DPF3: variants seen among roughly 807,000 people sequenced by gnomAD.
DPF3 encodes the protein double PHD fingers 3.
Under a neutral mutation model 56.8 loss-of-function variants are expected in DPF3, and 18 were observed. The ratio of observed to expected loss-of-function variants is 0.32; its 90% CI spans 0.22 to 0.47. The LOEUF is 0.47. DPF3 is among the 20% of genes least tolerant of loss of function. The pLI, the probability that DPF3 is intolerant of heterozygous loss-of-function variation, is 1.00. For missense variants in DPF3, 403 were observed against 488.8 expected (o/e 0.82, Z 1.65); for synonymous variants, 188 against 180.2 (o/e 1.04, Z -0.35).
chr14:72,870,445 GCTGTGTTTCTACAT>G (rs1885852133), intron 1 of DPF3, among the ~76,000 whole-genome samples: 1 of 152,214 alleles, frequency 6.6e-6, no homozygotes. Context: ...ACCTCTGTGT[GCTGTGTTTCTACAT>G]CTGTGAACTT....
At chr14:72,829,175 C>T (rs1883944804) in intron 1 of DPF3, among the ~76,000 whole-genome samples, 1 of 152,194 alleles carries the variant, frequency 6.6e-6, no homozygotes, top group South Asian at 2.1e-4. Flanking sequence ...TTGTTTTCCA[C>T]TTTATACATG....
chr14:72,669,920 C>T, intron 8 of DPF3: 4 of 985,866 alleles, frequency 4.1e-6, no homozygotes, highest in Non-Finnish European at 4.8e-6. Context: ...ATGGTTTTGC[C>T]CACATTGCAA....
intron 1 of DPF3, among the ~76,000 whole-genome samples, chr14:72,876,383 G>A (rs1279471727): frequency 1.3e-5 from 2 of 152,154 alleles, no homozygotes; most frequent in Non-Finnish European, 2.9e-5. Flanking sequence ...CTTGCTGGAG[G>A]ACACAGGATG....
At chr14:72,829,902 C>G (rs924638770) in intron 1 of DPF3, among the ~76,000 whole-genome samples, 2 of 152,082 alleles carry the variant, frequency 1.3e-5, no homozygotes, top group African/African-American at 4.8e-5. Context: ...GCTACCACAC[C>G]CAGCTAACTT....
rs900309543 is a variant in DPF3 at position 72,609,629 on chromosome 14, C to A, written c.*9668G>T. ...CCTGACACACGTGGGAAGGGCACAT[C>A]CCCAGAGGACAGAGGACAAGGGTGG... On this transcript the variant is annotated 3_prime_UTR_variant, in exon 11 of 11. Transcript: ENST00000556509. 6.6e-6 allele frequency among the ~76,000 whole-genome samples: 1 copy of A among 152,150 alleles called. No individual in the cohort carries two copies. Among genetic ancestry groups the A allele is most frequent in the African/African-American group, 2.4e-5 (1 of 41,412 alleles).
chr14:72,737,102 T>C (rs1224757313), intron 3 of DPF3, among the ~76,000 whole-genome samples: 2 of 141,504 alleles, frequency 1.4e-5, no homozygotes, highest in East Asian at 4.1e-4. Flanking sequence ...AGCAAATCGG[T>C]TTCTAAATAA....
intron 1 of DPF3, chr14:72,892,284 G>T (rs1019761511): frequency 1.3e-6 from 2 of 1,535,486 alleles, no homozygotes; most frequent in Non-Finnish European, 1.7e-6. Flanking sequence ...GTGTTGCAGC[G>T]AAAGCAACCG....
chr14:72,683,604 G>T (rs534661062), intron 7 of DPF3, among the ~76,000 whole-genome samples: 38 of 152,294 alleles, frequency 2.5e-4, no homozygotes, highest in African/African-American at 9.1e-4. Context: ...CTCAGCTAAG[G>T]TCACACGTTA....
chr14:72,656,998 T>C lies in DPF3; in HGVS notation c.871+17242A>G, dbSNP rs539682039. Among the ~76,000 whole-genome samples, 6 of 152,356 alleles carry C rather than the reference T, an allele frequency of 3.9e-5. No homozygotes were observed. In the South Asian group the frequency reaches 1.0e-3, roughly 26 times the overall value. On this transcript the variant is annotated intron_variant, in intron 8 of 10. Transcript: ENST00000556509. ...AGTAGTAGGTCTGGCATCAGTAATC[T>C]TCTCCACCATCCAAGGAAGAACATG...
intron 1 of DPF3, among the ~76,000 whole-genome samples, chr14:72,811,969 T>C (rs772045241): frequency 6.6e-6 from 1 of 152,102 alleles, no homozygotes; most frequent in Admixed American, 6.5e-5. Flanking sequence ...GTGGCTGTTT[T>C]CTTTCAGCCT....
At position 72,618,734 on chromosome 14, in the gene DPF3, CTT is replaced by C. The variant is rs989935576; in HGVS notation, c.*561_*562del. On this transcript the variant is annotated 3_prime_UTR_variant, in exon 11 of 11. Coordinates refer to ENST00000556509, the MANE Select transcript of DPF3 (RefSeq NM_001280542.3). The stretch of plus-strand genomic sequence containing the variant: ...ACTGCTGGGGTTCTAGAAGGCAACT[CTT>C]TGTCTCCACAGACACCAAGGAACAA... Among the ~76,000 whole-genome samples, 16 of 151,410 alleles carry C rather than the reference CTT, an allele frequency of 1.1e-4. No homozygotes were observed. Among genetic ancestry groups the C allele is most frequent in the African/African-American group, 2.7e-4 (11 of 41,304 alleles).
chr14:72,755,298 G>C (rs574681099), intron 2 of DPF3, among the ~76,000 whole-genome samples: 3 of 152,220 alleles, frequency 2.0e-5, no homozygotes, highest in Non-Finnish European at 4.4e-5. Flanking sequence ...CACTGTGCTT[G>C]GTGGTCAGCG....
rs142838342 is a variant in DPF3 at position 72,773,806 on chromosome 14, TTTTTAAGTCAGAATAATA to T, written c.33-1931_33-1914del. 8.1e-3 allele frequency: 3,678 copies of T among 455,072 alleles called. 105 individuals are homozygous for T. The highest frequency in any genetic ancestry group is 0.062 in the African/African-American group (3,119 of 50,104). The allele number at this position is 455,072 out of a possible 1,614,324, so 28.2% of individuals were successfully genotyped here. A position where few individuals can be genotyped will look rare whatever the true frequency, so the allele number is the denominator to read the frequency against. On this transcript the variant is annotated intron_variant, in intron 1 of 10. Transcript: ENST00000556509. The stretch of plus-strand genomic sequence containing the variant: ...ATAGCATATGTCAGAATTTCCTTCC[TTTTTAAGTCAGAATAATA>T]TTTTAAGTCAGAATAATATTTTTTA...
intron 2 of DPF3, among the ~76,000 whole-genome samples, chr14:72,757,738 G>C (rs28495114): frequency 0.31 from 47,532 of 151,964 alleles, 8,192 homozygotes; most frequent in Middle Eastern, 0.4. Flanking sequence ...AATGTGTGTA[G>C]GTTATATGCA....
At chr14:72,861,799 GAA>G (rs144550891) in intron 1 of DPF3, among the ~76,000 whole-genome samples, 54 of 146,754 alleles carry the variant, frequency 3.7e-4, no homozygotes, top group African/African-American at 1.4e-3. Context: ...AAGAAAGAAA[GAA>G]AGAAGGAAAG....
chr14:72,771,845 G>T lies in DPF3; in HGVS notation c.81C>A (p.Tyr27Ter). ...TGCGCTCTGCACACAGCCGTGAGTT[G>T]TAACTCCGGCAGTGCTCAATGGCTT... is the stretch of plus-strand genomic sequence containing the variant. ...YKEAIEHCRS[Y>*]NSRLCAERSV... Residue 27 changes from tyrosine to a stop codon, truncating the protein, a stop_gained, in exon 2 of 11, where the codon TAC becomes TAA. Transcript: ENST00000556509. LOFTEE classifies it high-confidence loss of function. 1.2e-6 allele frequency: 2 copies of T among 1,612,362 alleles called. No individual in the cohort carries two copies. Among genetic ancestry groups the T allele is most frequent in the Non-Finnish European group, 1.7e-6 (2 of 1,179,070 alleles).
At chr14:72,759,211 G>C (rs1438474872) in intron 2 of DPF3, among the ~76,000 whole-genome samples, 1 of 151,808 alleles carries the variant, frequency 6.6e-6, no homozygotes, top group African/African-American at 2.4e-5. Context: ...CAGAAGAAAA[G>C]ACAGATAAAC....
chr14:72,609,792 T>TG lies in DPF3; in HGVS notation c.*9504dup, dbSNP rs1422952116. Reference sequence around the variant, plus strand: ...GCCAGGGTGGGCCAAATGGAGATATTGTCTCAAGACCATTACACACAGCTT... The same window carrying TG: ...GCCAGGGTGGGCCAAATGGAGATATTGGTCTCAAGACCATTACACACAGCTT... On this transcript the variant is annotated 3_prime_UTR_variant, in exon 11 of 11. Coordinates refer to ENST00000556509, the MANE Select transcript of DPF3 (RefSeq NM_001280542.3). Among the ~76,000 whole-genome samples, 1 of 152,174 alleles carries TG rather than the reference T, an allele frequency of 6.6e-6. No homozygotes were observed. The highest frequency in any genetic ancestry group is 2.4e-5 in the African/African-American group (1 of 41,440).
At position 72,622,888 on chromosome 14, in the gene DPF3, C is replaced by CA. The variant is rs981118973; in HGVS notation, c.985-2905dup. On this transcript the variant is annotated intron_variant, in intron 9 of 10. Coordinates refer to ENST00000556509, the MANE Select transcript of DPF3 (RefSeq NM_001280542.3). ...CTCCTCAAAGGCTCTGCCAAGTCAA[C>CA]AAAAAAATCCTCTACATTTACACTA... is the stretch of plus-strand genomic sequence containing the variant. 3.9e-5 allele frequency among the ~76,000 whole-genome samples: 6 copies of CA among 152,154 alleles called. No individual in the cohort carries two copies. In the East Asian group the frequency reaches 5.8e-4, roughly 15 times the overall value.
Sources: allele counts gnomAD v4.1 joint callset (sites outside exome capture counted in the v4.1 genomes callset), GRCh38; gene constraint gnomAD v4.1.1; transcripts MANE v1.5; gene names NCBI Gene and HGNC (gene_info 2026-07-23, HGNC 2026-07-21).